Variants in AP3B1 observed in about 807,000 individuals in gnomAD.
AP3B1 encodes the protein AP-3 complex subunit beta-1.
In AP3B1, 61 loss-of-function variants were observed where a neutral mutation model predicts 132.5. That is an observed-to-expected ratio of 0.46 (90% CI 0.37 to 0.57). The LOEUF is 0.57. Ranked by LOEUF, AP3B1 falls within the 20% of genes least tolerant of loss-of-function variation. The pLI, the probability that AP3B1 is intolerant of heterozygous loss-of-function variation, is 0.00. For missense variants in AP3B1, 1,120 were observed against 1,289.4 expected, an observed-to-expected ratio of 0.87 and a Z score of 2.01; for synonymous variants, 388 against 438.3, an observed-to-expected ratio of 0.89 and a Z score of 1.43.
chr5:78,082,471 C>T (rs558133805), intron 22 of AP3B1, among the ~76,000 whole-genome samples: 35 of 152,060 alleles, frequency 2.3e-4, no homozygotes, highest in Non-Finnish European at 4.7e-4. Flanking sequence ...CAAACATTTT[C>T]GGGATCATTA....
At chr5:78,173,390 C>CT (rs1469820542) in intron 11 of AP3B1, among the ~76,000 whole-genome samples, 20 of 152,214 alleles carry the variant, frequency 1.3e-4, no homozygotes, top group African/African-American at 3.9e-4. Context: ...GTGTGGGAGT[C>CT]TAAGTCTCTT....
At chr5:78,131,109 C>A (rs897188249) in intron 15 of AP3B1, among the ~76,000 whole-genome samples, 4 of 151,396 alleles carry the variant, frequency 2.6e-5, no homozygotes, top group African/African-American at 9.7e-5. Flanking sequence ...AAGATAAAAA[C>A]AAATTTGTGT....
rs1024081687 is a variant in AP3B1 at position 78,087,539 on chromosome 5, T to C, written c.2577+1854A>G. On this transcript the variant is annotated intron_variant, in intron 22 of 26. Coordinates refer to ENST00000255194, the MANE Select transcript of AP3B1 (RefSeq NM_003664.5). ...GTTGCTGGTGAACTTCTGGTTGTCA[T>C]TCTTTTTAGCGCTACTTGTTTGATC... The C allele has an allele frequency of 3.7e-5, 36 of 985,306 alleles. 1 individual carries two copies. The highest frequency in any genetic ancestry group is 4.7e-5 in the South Asian group (1 of 21,290). The allele number at this position is 985,306 out of a possible 1,614,324, so 61.0% of individuals were successfully genotyped here.
At chr5:78,109,975 C>CG (rs1455427302) in intron 20 of AP3B1, among the ~76,000 whole-genome samples, 2 of 152,066 alleles carry the variant, frequency 1.3e-5, no homozygotes, top group African/African-American at 4.8e-5. Context: ...AAAACCCCCC[C>CG]CTTGTCACAA....
chr5:78,004,327 C>A (rs531358517), intron 26 of AP3B1, among the ~76,000 whole-genome samples: 1 of 152,244 alleles, frequency 6.6e-6, no homozygotes, highest in East Asian at 1.9e-4. Flanking sequence ...CGCACAGAGC[C>A]CACGGTGTCC....
chr5:78,094,966 C>T (rs1750711016), intron 21 of AP3B1, among the ~76,000 whole-genome samples: 1 of 152,154 alleles, frequency 6.6e-6, no homozygotes, highest in Non-Finnish European at 1.5e-5. Flanking sequence ...CAAGTGTGAG[C>T]CACCAGGCCT....
rs751538828 is a variant in AP3B1 at position 78,110,275 on chromosome 5, C to T, written c.2329G>A (p.Asp777Asn). ...SSNDESSSIE[D>N]SSSDSESESE... ...TCTGATTCAGAATCGGAAGAACTGT[C>T]TTCTATTGAACTAGATTCGTCATTT... The change falls in exon 20 of 27, where the codon GAC becomes AAC. Residue 777 changes from aspartate (D) to asparagine (N), a missense_variant. Coordinates refer to ENST00000255194, the MANE Select transcript of AP3B1 (RefSeq NM_003664.5). The T allele has an allele frequency of 4.9e-5, 79 of 1,609,374 alleles. No individual in the cohort carries two copies. Among genetic ancestry groups the T allele is most frequent in the Non-Finnish European group, 6.5e-5 (76 of 1,177,006 alleles).
chr5:78,083,108 C>T (rs569865761), intron 22 of AP3B1, among the ~76,000 whole-genome samples: 13 of 152,130 alleles, frequency 8.5e-5, no homozygotes, highest in South Asian at 4.1e-4. Flanking sequence ...TGAGCCACCG[C>T]GCCCGGCCAC....
At chr5:78,269,884 T>C (rs1210144401) in intron 1 of AP3B1, among the ~76,000 whole-genome samples, 1 of 152,150 alleles carries the variant, frequency 6.6e-6, no homozygotes, top group Non-Finnish European at 1.5e-5. Flanking sequence ...TTTTTCATTT[T>C]ATTTTTCTTT....
chr5:78,156,765 A>G (rs1485330340), intron 13 of AP3B1, among the ~76,000 whole-genome samples: 3 of 152,186 alleles, frequency 2.0e-5, no homozygotes, highest in Non-Finnish European at 4.4e-5. Context: ...AATCTAAACA[A>G]CATTTTCCCT....
chr5:78,266,520 A>G (rs374970351), intron 2 of AP3B1, among the ~76,000 whole-genome samples: 81 of 152,294 alleles, frequency 5.3e-4, no homozygotes, highest in African/African-American at 1.9e-3. Context: ...ATATCAAGAA[A>G]GGAAAAGAGA....
At chr5:78,260,210 G>A (rs1748025893) in intron 2 of AP3B1, among the ~76,000 whole-genome samples, 1 of 152,024 alleles carries the variant, frequency 6.6e-6, no homozygotes, top group African/African-American at 2.4e-5. Context: ...TGTTCCGACA[G>A]GCAAGGACTT....
intron 7 of AP3B1, 62 bp downstream of exon 7, chr5:78,215,986 TGCCCAAG>T: frequency 1.5e-5 from 23 of 1,499,748 alleles, no homozygotes; most frequent in South Asian, 1.0e-4. Context: ...CCTAATTTTT[TGCCCAAG>T]TTTTAAAAAG....
Position 78,116,108 on chromosome 5 carries a change from A to G in AP3B1, c.2077+18T>C, listed in dbSNP as rs781634824. 1 of 1,555,018 alleles carries G rather than the reference A, an allele frequency of 6.4e-7. No homozygotes were observed. The highest frequency in any genetic ancestry group is 1.7e-5 in the Admixed American group (1 of 59,930). On this transcript the variant is annotated intron_variant, in intron 18 of 26. Coordinates refer to ENST00000255194, the MANE Select transcript of AP3B1 (RefSeq NM_003664.5). The stretch of plus-strand genomic sequence containing the variant: ...TCTACTATGTAAATAATATATGCCA[A>G]TAAATTATAAAACCCACCACTGTCA...
rs566037735 is a variant in AP3B1, at chr5:78,068,020, C to A, written c.2577+21373G>T. 3.3e-5 allele frequency among the ~76,000 whole-genome samples: 5 copies of A among 151,862 alleles called. No individual in the cohort carries two copies. In the South Asian group the frequency reaches 1.0e-3, roughly 32 times the overall value. On this transcript the variant is annotated intron_variant, in intron 22 of 26. Transcript: ENST00000255194. ...AAAAATTAATAAAAGAGACCACTAG[C>A]TAGACTAATAAAGAAGAAAAGAGGC...
chr5:78,154,912 T>C (rs1743083264), intron 14 of AP3B1, among the ~76,000 whole-genome samples: 1 of 152,232 alleles, frequency 6.6e-6, no homozygotes, highest in African/African-American at 2.4e-5. Flanking sequence ...ATTCTCTGTC[T>C]GAAGGGTCAC....
intron 11 of AP3B1, among the ~76,000 whole-genome samples, chr5:78,172,742 G>A (rs1041722862): frequency 1.3e-4 from 20 of 151,660 alleles, no homozygotes; most frequent in African/African-American, 4.6e-4. Flanking sequence ...CGTTTTTGAA[G>A]GGTATTTCGT....
intron 3 of AP3B1, 26 bp from the exon 4 acceptor site, chr5:78,228,265 T>C (rs1746483097): frequency 1.3e-6 from 2 of 1,559,414 alleles, no homozygotes; most frequent in South Asian, 2.3e-5. Context: ...CATTTATTCA[T>C]AACCAGAGTG....
At chr5:78,283,486 C>G (rs1393822647) in intron 1 of AP3B1, among the ~76,000 whole-genome samples, 1 of 152,218 alleles carries the variant, frequency 6.6e-6, no homozygotes. Context: ...AATTCTCCTA[C>G]TCTCTTCAAT....
Sources: allele counts gnomAD v4.1 joint callset (sites outside exome capture counted in the v4.1 genomes callset), GRCh38; gene constraint gnomAD v4.1.1; transcripts MANE v1.5; gene names NCBI Gene and HGNC (gene_info 2026-07-23, HGNC 2026-07-21).